The following CRACD variants were observed in gnomAD, a reference collection of about 807,000 sequenced individuals.
CRACD encodes capping protein inhibiting regulator of actin dynamics.
CRACD carries 56 observed loss-of-function variants against 106.8 expected under a neutral mutation model. That is an observed-to-expected ratio of 0.52 (90% CI 0.42 to 0.66). The LOEUF (loss-of-function observed/expected upper bound fraction) is 0.66, where lower values mean the gene tolerates loss of function less well. Among genes scored for constraint, CRACD ranks in the 30% least tolerant of loss-of-function variants. CRACD has a pLI of 0.00. For synonymous variants in CRACD, 754 were observed against 670.8 expected (o/e 1.12, Z -1.92); for missense variants, 1,730 against 1,623.2 (o/e 1.07, Z -1.13).
At chr4:56,213,979 G>A (rs935737350) in intron 2 of CRACD, among the ~76,000 whole-genome samples, 2 of 152,154 alleles carry the variant, frequency 1.3e-5, no homozygotes, top group Admixed American at 1.3e-4. Flanking sequence ...TCTCATTCAG[G>A]GTAGAAAGGG....
chr4:56,102,504 T>A (rs1733808021), intron 1 of CRACD, among the ~76,000 whole-genome samples: 1 of 152,172 alleles, frequency 6.6e-6, no homozygotes, highest in Non-Finnish European at 1.5e-5. Flanking sequence ...CTAGTCTTCC[T>A]TTTATACCAA....
chr4:56,323,991 G>A (rs1341400721), intron 9 of CRACD, 113 bp from the exon 10 acceptor site: 14 of 1,187,558 alleles, frequency 1.2e-5, no homozygotes, highest in Middle Eastern at 6.0e-4. Context: ...CCAGCCCACC[G>A]TTGGAAGCAG....
chr4:56,330,186 C>A lies in CRACD; in HGVS notation c.*2382C>A, dbSNP rs1336900561. 7.4e-5 allele frequency among the ~76,000 whole-genome samples: 8 copies of A among 108,312 alleles called. No individual in the cohort carries two copies. The highest frequency in any genetic ancestry group is 2.6e-4 in the African/African-American group (8 of 30,610). 71.1% of individuals were successfully genotyped at this position (108,312 alleles called of 152,430 possible). A position where few individuals can be genotyped will look rare whatever the true frequency, so the allele number is the denominator to read the frequency against. On this transcript the variant is annotated 3_prime_UTR_variant, in exon 11 of 11. Transcript: ENST00000682029. ...AAATGAATGATCACTATGTTAAATG[C>A]AAACTTTTTTTTTTTTTTATTTAAA...
chr4:56,305,398 T>G (rs1040848026), intron 4 of CRACD, among the ~76,000 whole-genome samples: 2 of 152,124 alleles, frequency 1.3e-5, no homozygotes, highest in African/African-American at 4.8e-5. Flanking sequence ...GGAACCATTC[T>G]TCTGCACAGG....
chr4:56,244,697 C>T (rs1425661065), intron 2 of CRACD, among the ~76,000 whole-genome samples: 1 of 152,228 alleles, frequency 6.6e-6, no homozygotes, highest in East Asian at 1.9e-4. Context: ...TACCACCCTA[C>T]AGTCCATGAT....
chr4:56,104,737 G>A (rs1733887749), intron 1 of CRACD, among the ~76,000 whole-genome samples: 1 of 152,162 alleles, frequency 6.6e-6, no homozygotes, highest in Non-Finnish European at 1.5e-5. Context: ...GGAGGCTGAG[G>A]CGGGCGGATC....
chr4:56,158,887 C>T (rs1368582677), intron 1 of CRACD, among the ~76,000 whole-genome samples: 3 of 152,256 alleles, frequency 2.0e-5, no homozygotes, highest in Admixed American at 6.5e-5. Flanking sequence ...CAAGCCTGCA[C>T]GCTTTCTCCC....
intron 2 of CRACD, among the ~76,000 whole-genome samples, chr4:56,256,260 C>T (rs969387131): frequency 1.3e-5 from 2 of 152,124 alleles, no homozygotes; most frequent in South Asian, 4.1e-4. Context: ...CTCAAGAGGT[C>T]AGATGGTTTT....
intron 1 of CRACD, among the ~76,000 whole-genome samples, chr4:56,167,603 A>G (rs1736201723): frequency 6.6e-6 from 1 of 152,218 alleles, no homozygotes; most frequent in South Asian, 2.1e-4. Flanking sequence ...CATATAAGCA[A>G]TAATACGTGG....
intron 2 of CRACD, among the ~76,000 whole-genome samples, chr4:56,209,941 T>C (rs1413522171): frequency 6.6e-6 from 1 of 152,026 alleles, no homozygotes; most frequent in Non-Finnish European, 1.5e-5. Context: ...GGAGAAGAGC[T>C]CAGGACAGAA....
intron 2 of CRACD, among the ~76,000 whole-genome samples, chr4:56,185,220 G>A (rs1295444648): frequency 6.6e-6 from 1 of 152,198 alleles, no homozygotes; most frequent in African/African-American, 2.4e-5. Flanking sequence ...GCCTCCCAAA[G>A]TGCTGGGATT....
chr4:56,219,550 C>T (rs541241557), intron 2 of CRACD, among the ~76,000 whole-genome samples: 12 of 152,174 alleles, frequency 7.9e-5, no homozygotes, highest in East Asian at 1.9e-4. Context: ...GGTTTTGCTA[C>T]GTTGGCCAGG....
In CRACD at chr4:56,275,048, C is replaced by T. The variant is rs568943624; in HGVS notation, c.-17+2556C>T. ...TGCAGGAACAGAAAACCAAATACTG[C>T]ATGTTCTCACTTATAAGTGGGAGCT... On this transcript the variant is annotated intron_variant, in intron 3 of 10. Coordinates refer to ENST00000682029, the MANE Select transcript of CRACD (RefSeq NM_001393381.1). Among the ~76,000 whole-genome samples the T allele has an allele frequency of 2.6e-5, 4 of 152,330 alleles. No homozygotes were observed. The South Asian group carries it at 8.3e-4, about 32-fold the overall frequency.
intron 3 of CRACD, among the ~76,000 whole-genome samples, chr4:56,287,968 C>T (rs1743467055): frequency 6.6e-6 from 1 of 152,154 alleles, no homozygotes; most frequent in South Asian, 2.1e-4. Context: ...TTGACTAAGC[C>T]TATTCAAAGC....
intron 1 of CRACD, among the ~76,000 whole-genome samples, chr4:56,123,884 GTTT>G (rs1413608988): frequency 6.6e-6 from 1 of 152,124 alleles, no homozygotes; most frequent in Admixed American, 6.5e-5. Flanking sequence ...GAACAACCAT[GTTT>G]CCTGACTAAC....
rs1470923090 is a variant in CRACD at position 56,329,769 on chromosome 4, T to C, written c.*1965T>C. 2.0e-5 allele frequency among the ~76,000 whole-genome samples: 3 copies of C among 152,182 alleles called. No homozygotes were observed. The highest frequency in any genetic ancestry group is 4.4e-5 in the Non-Finnish European group (3 of 68,038). ...GGAATGATAATGCTACAGTAATTCT[T>C]CTGAATTGACTTTTTCTTTCATCCT... On this transcript the variant is annotated 3_prime_UTR_variant, in exon 11 of 11. Coordinates refer to ENST00000682029, the MANE Select transcript of CRACD (RefSeq NM_001393381.1).
intron 1 of CRACD, among the ~76,000 whole-genome samples, chr4:56,178,343 C>T (rs562680887): frequency 6.6e-6 from 1 of 152,268 alleles, no homozygotes; most frequent in South Asian, 2.1e-4. Flanking sequence ...TAGTTTTGCC[C>T]TGTGCCTCCT....
intron 3 of CRACD, among the ~76,000 whole-genome samples, chr4:56,294,254 A>C (rs1314363156): frequency 1.3e-5 from 2 of 151,848 alleles, no homozygotes; most frequent in Non-Finnish European, 2.9e-5. Context: ...CAGTCATGTT[A>C]TTATAATTGA....
intron 2 of CRACD, among the ~76,000 whole-genome samples, chr4:56,214,973 C>G (rs1738607080): frequency 6.6e-6 from 1 of 152,016 alleles, no homozygotes; most frequent in Non-Finnish European, 1.5e-5. Context: ...GCACTCCAGC[C>G]TGGGCAACAG....
Sources: allele counts gnomAD v4.1 joint callset (sites outside exome capture counted in the v4.1 genomes callset), GRCh38; gene constraint gnomAD v4.1.1; transcripts MANE v1.5; gene names NCBI Gene and HGNC (gene_info 2026-07-23, HGNC 2026-07-21).